USP10: variants seen among roughly 807,000 people sequenced by gnomAD.
USP10 encodes ubiquitin carboxyl-terminal hydrolase 10.
USP10 carries 22 observed loss-of-function variants against 84.5 expected under a neutral mutation model. The ratio of observed to expected loss-of-function variants is 0.26; its 90% CI spans 0.19 to 0.37. USP10 has a LOEUF of 0.37. USP10 is among the 10% of genes least tolerant of loss of function. USP10 has a pLI of 1.00. For synonymous variants in USP10, 454 were observed against 387.6 expected, an observed-to-expected ratio of 1.17 and a Z score of -2.01; for missense variants, 1,019 against 998.9, an observed-to-expected ratio of 1.02 and a Z score of -0.27.
At chr16:84,724,030 T>C (rs1178111874) in intron 1 of USP10, among the ~76,000 whole-genome samples, 1 of 152,266 alleles carries the variant, frequency 6.6e-6, no homozygotes, top group Non-Finnish European at 1.5e-5. Context: ...CTTGAACTTC[T>C]ACTAGGGCTA....
At chr16:84,708,344 G>A (rs796992703) in intron 1 of USP10, among the ~76,000 whole-genome samples, 14 of 152,242 alleles carry the variant, frequency 9.2e-5, no homozygotes, top group Non-Finnish European at 1.8e-4. Flanking sequence ...CAGCTGCTCC[G>A]AAGGCTGAGG....
intron 1 of USP10, among the ~76,000 whole-genome samples, chr16:84,723,307 C>A (rs1002564634): frequency 6.6e-6 from 1 of 151,862 alleles, no homozygotes; most frequent in Non-Finnish European, 1.5e-5. Context: ...AATTCACTTA[C>A]GTTGAATAAG....
At chr16:84,735,232 TGTGTG>T (rs1215682296) in intron 2 of USP10, among the ~76,000 whole-genome samples, 112 of 147,116 alleles carry the variant, frequency 7.6e-4, no homozygotes, top group African/African-American at 2.7e-3. Context: ...TGTGTGTGTG[TGTGTG>T]GTGTGTGTGT....
At chr16:84,765,172 G>C (rs988506052) in intron 10 of USP10, among the ~76,000 whole-genome samples, 1 of 151,400 alleles carries the variant, frequency 6.6e-6, no homozygotes, top group South Asian at 2.1e-4. Flanking sequence ...TATATTTAAA[G>C]TATACACAGA....
rs1343832486 is a variant in USP10, at chr16:84,745,567, T to C, written c.1086T>C (p.Thr362=). ...CCTCGCCGGTGGCCTATGTGGAAAC[T>C]AAGTATTCCCCTCCCGCCATATCTC... ...SSSSPVAYVE[T]KYSPPAISPL... Residue 362 remains threonine (T), a synonymous_variant, in exon 4 of 14, where the codon ACT becomes ACC. Transcript: ENST00000219473. 6.2e-6 allele frequency: 10 copies of C among 1,610,544 alleles called. No homozygotes were observed. The highest frequency in any genetic ancestry group is 2.5e-6 in the Non-Finnish European group (3 of 1,178,344).
chr16:84,730,562 C>G (rs1472435841), intron 1 of USP10, among the ~76,000 whole-genome samples: 2 of 152,202 alleles, frequency 1.3e-5, no homozygotes, highest in Non-Finnish European at 2.9e-5. Flanking sequence ...CGTTCCAGCT[C>G]ATGACTTGAG....
intron 1 of USP10, among the ~76,000 whole-genome samples, chr16:84,721,298 C>T (rs1252464148): frequency 6.6e-6 from 1 of 152,146 alleles, no homozygotes; most frequent in African/African-American, 2.4e-5. Context: ...ATAGGGTGTA[C>T]TGAAGAATTC....
At chr16:84,702,232 A>G (rs1042426676) in intron 1 of USP10, among the ~76,000 whole-genome samples, 2 of 150,564 alleles carry the variant, frequency 1.3e-5, no homozygotes, top group South Asian at 2.1e-4. Context: ...AATTTTTTGT[A>G]TTTTTATTAA....
chr16:84,736,214 T>C (rs1395787789), intron 2 of USP10, among the ~76,000 whole-genome samples: 1 of 152,274 alleles, frequency 6.6e-6, no homozygotes, highest in Non-Finnish European at 1.5e-5. Flanking sequence ...AGTTACAATC[T>C]AGTCGAATTT....
Position 84,744,795 on chromosome 16 carries a change from C to T in USP10, c.314C>T (p.Thr105Ile). The change falls in exon 4 of 14, where the codon ACT becomes ATT. Residue 105 changes from threonine to isoleucine, a missense_variant. This residue lies in a region of USP10 where 787 missense variants were observed against 708.8 expected (regional missense o/e 1.11). Transcript: ENST00000219473. The part of the protein sequence containing the change: ...TASKITPDGI[T>I]KEASYGSIDC... ...TCCAAAATAACCCCTGATGGTATCA[C>T]TAAAGAAGCAAGCTATGGCTCCATC... The T allele has an allele frequency of 6.2e-7, 1 of 1,613,690 alleles. No individual in the cohort carries two copies. The highest frequency in any genetic ancestry group is 1.1e-5 in the South Asian group (1 of 91,068).
At chr16:84,752,562 A>G (rs1164156367) in intron 4 of USP10, among the ~76,000 whole-genome samples, 1 of 152,250 alleles carries the variant, frequency 6.6e-6, no homozygotes, top group Non-Finnish European at 1.5e-5. Flanking sequence ...ATGTTGAAAG[A>G]GGAATTTAAA....
At chr16:84,745,892 A>G (rs1298013836) in intron 4 of USP10, among the ~76,000 whole-genome samples, 2 of 152,230 alleles carry the variant, frequency 1.3e-5, no homozygotes, top group African/African-American at 2.4e-5. Flanking sequence ...TGAAAGATCC[A>G]TGTCTGTTAG....
chr16:84,762,161 T>C (rs143237317), intron 8 of USP10, among the ~76,000 whole-genome samples: 2 of 152,388 alleles, frequency 1.3e-5, no homozygotes, highest in East Asian at 3.9e-4. Context: ...TGCTGATGTA[T>C]GTGTAACACA....
In USP10 at chr16:84,745,497, C is replaced by T. The variant is rs1911120304; in HGVS notation, c.1016C>T (p.Pro339Leu). Residue 339 changes from proline to leucine, a missense_variant, in exon 4 of 14, where the codon CCC (proline) becomes CTC (leucine). This residue lies in a region of USP10 where 787 missense variants were observed against 708.8 expected (regional missense o/e 1.11). Coordinates refer to ENST00000219473, the MANE Select transcript of USP10 (RefSeq NM_005153.3). ...TCAGGCACCCTTCCTGTCAGCCAGCCCAAGTCCTGGGCCAGCCTCTTTCAT... is the reference window on the plus strand; with the variant it reads ...TCAGGCACCCTTCCTGTCAGCCAGCTCAAGTCCTGGGCCAGCCTCTTTCAT... ...SASGTLPVSQ[P>L]KSWASLFHDS... The T allele has an allele frequency of 6.2e-7, 1 of 1,613,444 alleles. No individual in the cohort carries two copies. Among genetic ancestry groups the T allele is most frequent in the Admixed American group, 1.7e-5 (1 of 59,960 alleles).
At chr16:84,749,734 A>T (rs558324192) in intron 4 of USP10, among the ~76,000 whole-genome samples, 1 of 152,340 alleles carries the variant, frequency 6.6e-6, no homozygotes, top group South Asian at 2.1e-4. Context: ...AAGTGAAATT[A>T]AGAAGGCAGA....
At position 84,740,368 on chromosome 16, in the gene USP10, T is replaced by C; in HGVS notation, c.150T>C (p.Asp50=). 6.2e-7 allele frequency: 1 copy of C among 1,612,626 alleles called. No individual in the cohort carries two copies. Among genetic ancestry groups the C allele is most frequent in the Non-Finnish European group, 8.5e-7 (1 of 1,178,946 alleles). ...CACAGGCTGTGGATAAACTACCTGA[T>C]GGTAAGCTAGTTCTCTCCTTATTTC... ...CGTQAVDKLP[D]GQEYQRIEFG... Residue 50 remains aspartate (D), a splice_region_variant and synonymous_variant, in exon 3 of 14, where the codon GAT becomes GAC. Coordinates refer to ENST00000219473, the MANE Select transcript of USP10 (RefSeq NM_005153.3).
chr16:84,742,409 A>G (rs1910727749), intron 3 of USP10, among the ~76,000 whole-genome samples: 1 of 152,040 alleles, frequency 6.6e-6, no homozygotes. Flanking sequence ...AGTTGTTTGT[A>G]TTTGTCTCCC....
Position 84,742,058 on chromosome 16 carries a change from T to G in USP10, c.151+1689T>G, listed in dbSNP as rs192665660. On this transcript the variant is annotated intron_variant, in intron 3 of 13. Coordinates refer to ENST00000219473, the MANE Select transcript of USP10 (RefSeq NM_005153.3). ...CCCTTTTAGATCTCGGCCTTTTCTA[T>G]TTTTGTGTTTTTTAATTTTTTTATA... Among the ~76,000 whole-genome samples the G allele has an allele frequency of 3.3e-5, 5 of 152,332 alleles. No homozygotes were observed. The East Asian group carries it at 9.6e-4, about 29-fold the overall frequency.
chr16:84,772,400 G>T, intron 11 of USP10, 141 bp from the exon 12 acceptor site: 1 of 1,128,244 alleles, frequency 8.9e-7, no homozygotes, highest in Non-Finnish European at 1.3e-6. Context: ...AGCTTCTGTG[G>T]GGCAGGAAAA....
Sources: gnomAD v4.1 joint callset for allele counts (sites outside exome capture counted in the v4.1 genomes callset) on GRCh38, gnomAD v4.1.1 for gene constraint, gnomAD v4.1.1 regional missense constraint, MANE v1.5 for transcripts, NCBI Gene and HGNC (gene_info 2026-07-23, HGNC 2026-07-21) for gene names.